Variants in DHRS7B observed in about 807,000 individuals in gnomAD.
DHRS7B encodes the protein peroxisomal reductase activating PPAR-gamma.
Under a neutral mutation model 26.4 loss-of-function variants are expected in DHRS7B, and 24 were observed. The observed-to-expected ratio is 0.91, with a 90% CI of 0.66 to 1.28. The LOEUF is 1.28. DHRS7B is among the 50% of genes most tolerant of loss of function. DHRS7B has a pLI of 0.00. For missense variants in DHRS7B, 368 were observed against 419.4 expected (o/e 0.88, Z 1.07); for synonymous variants, 142 against 166.4 (o/e 0.85, Z 1.13).
intron 3 of DHRS7B, among the ~76,000 whole-genome samples, chr17:21,182,508 C>T (rs1410644695): frequency 6.6e-6 from 1 of 152,136 alleles, no homozygotes; most frequent in Non-Finnish European, 1.5e-5. Context: ...CTCGGCCTCC[C>T]AAAGTGCTAG....
At chr17:21,170,000 C>T (rs1309672187) in intron 1 of DHRS7B, among the ~76,000 whole-genome samples, 1 of 152,196 alleles carries the variant, frequency 6.6e-6, no homozygotes, top group African/African-American at 2.4e-5. Flanking sequence ...AAAGCTTTTA[C>T]CAAATAGCCA....
intron 1 of DHRS7B, among the ~76,000 whole-genome samples, chr17:21,141,004 C>T (rs914662669): frequency 1.3e-5 from 2 of 152,080 alleles, no homozygotes; most frequent in African/African-American, 4.8e-5. Context: ...AGCACTGAGT[C>T]GCTTCCACCC....
intron 1 of DHRS7B, among the ~76,000 whole-genome samples, chr17:21,158,141 T>G (rs1973921124): frequency 6.6e-6 from 1 of 152,156 alleles, no homozygotes; most frequent in Admixed American, 6.5e-5. Flanking sequence ...CCATCATACT[T>G]AATGGTGAAG....
At chr17:21,128,910 A>AAACAAC (rs148581392) in intron 1 of DHRS7B, 6 of 150,664 alleles carry the variant, frequency 4.0e-5, no homozygotes, top group African/African-American at 1.2e-4. Context: ...ACCCTGTCTC[A>AAACAAC]AACAACAACA....
chr17:21,153,303 C>T (rs1973811719), intron 1 of DHRS7B, among the ~76,000 whole-genome samples: 1 of 152,010 alleles, frequency 6.6e-6, no homozygotes, highest in South Asian at 2.1e-4. Context: ...AGGAGAGAAT[C>T]TCTGAGCTTT....
chr17:21,161,524 T>G (rs1973999654), intron 1 of DHRS7B, among the ~76,000 whole-genome samples: 1 of 152,172 alleles, frequency 6.6e-6, no homozygotes, highest in African/African-American at 2.4e-5. Flanking sequence ...TGTAGATTTG[T>G]CCTTCAAGAA....
At chr17:21,131,970 T>G (rs1337249835) in intron 1 of DHRS7B, among the ~76,000 whole-genome samples, 1 of 152,230 alleles carries the variant, frequency 6.6e-6, no homozygotes, top group East Asian at 1.9e-4. Flanking sequence ...GAAACTGTAC[T>G]GAGTTCCTAT....
At chr17:21,161,388 C>T (rs560251816) in intron 1 of DHRS7B, among the ~76,000 whole-genome samples, 1 of 152,214 alleles carries the variant, frequency 6.6e-6, no homozygotes, top group South Asian at 2.1e-4. Flanking sequence ...AAAATGGCAG[C>T]TATGAGGCAG....
At chr17:21,187,989 C>A (rs1974685293) in intron 5 of DHRS7B, among the ~76,000 whole-genome samples, 1 of 152,120 alleles carries the variant, frequency 6.6e-6, no homozygotes, top group Non-Finnish European at 1.5e-5. Flanking sequence ...GCTGGGACTA[C>A]AGGCACCCGC....
chr17:21,161,105 G>A (rs1192013920), intron 1 of DHRS7B, among the ~76,000 whole-genome samples: 1 of 152,194 alleles, frequency 6.6e-6, no homozygotes, highest in South Asian at 2.1e-4. Context: ...AAACTATTCT[G>A]TATGAAACTA....
chr17:21,132,392 T>G (rs1334820918), intron 1 of DHRS7B, among the ~76,000 whole-genome samples: 2 of 149,692 alleles, frequency 1.3e-5, no homozygotes, highest in Non-Finnish European at 3.0e-5. Context: ...GATATGCAGG[T>G]GTACCACTCA....
In DHRS7B at chr17:21,129,729, A is replaced by G. The variant is rs531651876; in HGVS notation, c.20+2738A>G. ...CAAAAAAAAAAAAAAAAAAAAGAAA[A>G]AGAAAAAAATAAGCATTAAACCAGA... On this transcript the variant is annotated intron_variant, in intron 1 of 6. Coordinates refer to ENST00000395511, the MANE Select transcript of DHRS7B (RefSeq NM_015510.5). Among the ~76,000 whole-genome samples the G allele has an allele frequency of 7.8e-3, 1,176 of 151,624 alleles. 14 individuals carry two copies. The highest frequency in any genetic ancestry group is 0.026 in the African/African-American group (1,091 of 41,328).
intron 1 of DHRS7B, among the ~76,000 whole-genome samples, chr17:21,145,512 A>T (rs1487128595): frequency 6.6e-6 from 1 of 152,194 alleles, no homozygotes; most frequent in Non-Finnish European, 1.5e-5. Context: ...TCAATTAATG[A>T]AAAGGGGAAT....
At chr17:21,130,989 C>T (rs983013353) in intron 1 of DHRS7B, among the ~76,000 whole-genome samples, 4 of 152,102 alleles carry the variant, frequency 2.6e-5, no homozygotes, top group Non-Finnish European at 5.9e-5. Context: ...CCTGAGCTCT[C>T]CCTCCTATCT....
At chr17:21,181,522 T>C (rs981596752) in intron 3 of DHRS7B, among the ~76,000 whole-genome samples, 7 of 152,220 alleles carry the variant, frequency 4.6e-5, no homozygotes, top group African/African-American at 1.7e-4. Flanking sequence ...TAGGAAGGCA[T>C]CACATGGGCG....
Position 21,191,153 on chromosome 17 carries a change from G to A in DHRS7B, c.978G>A (p.Ter326=). ...AAGAGCGGAAATCCAAGAACTCCTAGTACTCTGACCAGCCAGGGCCAGGGC... is the reference window on the plus strand; with the variant it reads ...AAGAGCGGAAATCCAAGAACTCCTAATACTCTGACCAGCCAGGGCCAGGGC... ...ARKERKSKNS[*] The change falls in exon 7 of 7, where the codon TAG becomes TAA. Residue 326 remains the stop codon, a stop_retained_variant. Coordinates refer to ENST00000395511, the MANE Select transcript of DHRS7B (RefSeq NM_015510.5). 6.2e-7 allele frequency: 1 copy of A among 1,613,210 alleles called. No individual in the cohort carries two copies. The highest frequency in any genetic ancestry group is 1.7e-5 in the Admixed American group (1 of 60,030).
Position 21,140,479 on chromosome 17 carries a change from T to TACACACACACACACAC in DHRS7B, c.20+13533_20+13548dup, listed in dbSNP as rs4020775. The stretch of plus-strand genomic sequence containing the variant: ...ATAGAAATTTTAAAGGCCTTTTAAA[T>TACACACACACACACAC]ACACACACACACACACACACACACA... On this transcript the variant is annotated intron_variant, in intron 1 of 6. Coordinates refer to ENST00000395511, the MANE Select transcript of DHRS7B (RefSeq NM_015510.5). Among the ~76,000 whole-genome samples, 71 of 83,680 alleles carry TACACACACACACACAC rather than the reference T, an allele frequency of 8.5e-4. 4 individuals carry two copies. Among genetic ancestry groups the TACACACACACACACAC allele is most frequent in the East Asian group, 2.6e-3 (7 of 2,674 alleles). The allele number at this position is 83,680 out of a possible 152,430, so 54.9% of individuals were successfully genotyped here. A position where few individuals can be genotyped will look rare whatever the true frequency, so the allele number is the denominator to read the frequency against.
intron 1 of DHRS7B, among the ~76,000 whole-genome samples, chr17:21,150,371 C>G (rs1973743413): frequency 6.6e-6 from 1 of 152,114 alleles, no homozygotes; most frequent in East Asian, 1.9e-4. Flanking sequence ...AATCCCAGCA[C>G]TTTGGGAGGC....
chr17:21,140,085 C>T lies in DHRS7B; in HGVS notation c.20+13094C>T, dbSNP rs370365651. Among the ~76,000 whole-genome samples, 18 of 132,404 alleles carry T rather than the reference C, an allele frequency of 1.4e-4. 1 individual carries two copies. The highest frequency in any genetic ancestry group is 3.7e-4 in the African/African-American group (13 of 34,922). 86.9% of individuals were successfully genotyped at this position (132,404 alleles called of 152,430 possible). Reference sequence around the variant, plus strand: ...TGTCGCCCAGGCTGGAGTGCGGTGGCGTGATCTCTGCTCACTGCAAGCTCC... The same window carrying T: ...TGTCGCCCAGGCTGGAGTGCGGTGGTGTGATCTCTGCTCACTGCAAGCTCC... On this transcript the variant is annotated intron_variant, in intron 1 of 6. Coordinates refer to ENST00000395511, the MANE Select transcript of DHRS7B (RefSeq NM_015510.5).
Sources: gnomAD v4.1 joint callset for allele counts (sites outside exome capture counted in the v4.1 genomes callset) on GRCh38, gnomAD v4.1.1 for gene constraint, MANE v1.5 for transcripts, NCBI Gene and HGNC (gene_info 2026-07-23, HGNC 2026-07-21) for gene names.